The following PTDSS1 variants were observed in gnomAD, a reference collection of about 807,000 sequenced individuals.
PTDSS1 encodes the protein phosphatidylserine synthase 1.
In PTDSS1, 45 loss-of-function variants were observed where a neutral mutation model predicts 70.5. The observed-to-expected ratio is 0.64, with a 90% confidence interval of 0.50 to 0.82. The LOEUF (loss-of-function observed/expected upper bound fraction) is 0.82. PTDSS1 is among the 40% of genes least tolerant of loss of function. The pLI, the probability that PTDSS1 is intolerant of heterozygous loss-of-function variation, is 0.00. For synonymous variants in PTDSS1, 188 were observed against 203.8 expected, an observed-to-expected ratio of 0.92 and a Z score of 0.66; for missense variants, 417 against 586.1, an observed-to-expected ratio of 0.71 and a Z score of 2.98.
chr8:96,326,624 A>G (rs924955129), intron 10 of PTDSS1, among the ~76,000 whole-genome samples: 1 of 152,204 alleles, frequency 6.6e-6, no homozygotes, highest in Non-Finnish European at 1.5e-5. Context: ...GAGGAGTGAC[A>G]GTGAAGAGTT....
intron 12 of PTDSS1, among the ~76,000 whole-genome samples, chr8:96,332,655 A>C (rs1811533988): frequency 6.6e-6 from 1 of 152,270 alleles, no homozygotes; most frequent in Admixed American, 6.5e-5. Flanking sequence ...ATTAAGCAGT[A>C]GTAGAGATGT....
chr8:96,292,091 G>A (rs1810915303), intron 4 of PTDSS1, among the ~76,000 whole-genome samples: 6 of 151,998 alleles, frequency 3.9e-5, no homozygotes, highest in Admixed American at 3.9e-4. Flanking sequence ...CCAGCCTGGT[G>A]TTTGAGACCA....
intron 2 of PTDSS1, among the ~76,000 whole-genome samples, chr8:96,278,095 T>C (rs1810675199): frequency 6.6e-6 from 1 of 152,184 alleles, no homozygotes; most frequent in African/African-American, 2.4e-5. Flanking sequence ...GTGCCAGCCA[T>C]GTAGTGGCAG....
intron 9 of PTDSS1, among the ~76,000 whole-genome samples, chr8:96,314,903 CT>C (rs995652030): frequency 6.6e-6 from 1 of 151,810 alleles, no homozygotes; most frequent in South Asian, 2.1e-4. Context: ...GCCTACAAAG[CT>C]TTTTTTTAGC....
In PTDSS1 at chr8:96,295,241, C is replaced by T. The variant is rs1810958564; in HGVS notation, c.585C>T (p.Thr195=). ...SYGLCWTISI[T]WELTELFFMH... is the part of the protein sequence containing the mutation. Reference sequence around the variant, plus strand: ...GTCTCTGCTGGACAATCAGTATTACCTGGGAGCTGACTGAGGTAAGAAGGA... The same window carrying T: ...GTCTCTGCTGGACAATCAGTATTACTTGGGAGCTGACTGAGGTAAGAAGGA... The change falls in exon 5 of 13, where the codon ACC becomes ACT. Residue 195 remains threonine, a synonymous_variant. Transcript: ENST00000517309. 1.2e-6 allele frequency: 2 copies of T among 1,613,616 alleles called. No individual in the cohort carries two copies. The highest frequency in any genetic ancestry group is 1.1e-5 in the South Asian group (1 of 91,026).
intron 5 of PTDSS1, among the ~76,000 whole-genome samples, chr8:96,297,022 C>T (rs1329585526): frequency 6.6e-6 from 1 of 152,204 alleles, no homozygotes; most frequent in Non-Finnish European, 1.5e-5. Context: ...CCCAGTCGTC[C>T]ATTGACGTCT....
At chr8:96,299,213 A>T (rs565380825) in intron 5 of PTDSS1, among the ~76,000 whole-genome samples, 2 of 152,334 alleles carry the variant, frequency 1.3e-5, no homozygotes, top group Non-Finnish European at 2.9e-5. Context: ...ACATCGTGTC[A>T]TCAAGAGCTA....
At chr8:96,286,191 G>A (rs1007231369) in intron 3 of PTDSS1, among the ~76,000 whole-genome samples, 5 of 152,130 alleles carry the variant, frequency 3.3e-5, no homozygotes, top group African/African-American at 1.2e-4. Context: ...TTTGTATCAC[G>A]GTCTCTAAAT....
chr8:96,283,904 A>G, intron 2 of PTDSS1: 1 of 520,262 alleles, frequency 1.9e-6, no homozygotes, highest in Non-Finnish European at 3.4e-6. Flanking sequence ...GGTGCCTGTG[A>G]TGATTGTGGT....
chr8:96,316,222 C>T (rs1268228022), intron 9 of PTDSS1, among the ~76,000 whole-genome samples: 4 of 152,190 alleles, frequency 2.6e-5, no homozygotes, highest in Non-Finnish European at 5.9e-5. Flanking sequence ...CTCCCTGCTT[C>T]TGCTCTTGTC....
chr8:96,306,571 G>C lies in PTDSS1; in HGVS notation c.1007+15G>C. The C allele has an allele frequency of 6.4e-7, 1 of 1,562,910 alleles. No individual in the cohort carries two copies. The highest frequency in any genetic ancestry group is 8.8e-7 in the Non-Finnish European group (1 of 1,133,524). ...CCCACAGTGAGGTAATTCTGCACAA[G>C]CCTGACTGTCATATGAGAACATTAA... On this transcript the variant is annotated intron_variant, in intron 8 of 12. Coordinates refer to ENST00000517309, the MANE Select transcript of PTDSS1 (RefSeq NM_014754.3).
chr8:96,315,180 G>C (rs118071579), intron 9 of PTDSS1, among the ~76,000 whole-genome samples: 116 of 152,270 alleles, frequency 7.6e-4, no homozygotes, highest in Admixed American at 7.8e-4. Flanking sequence ...GAACTTGGAG[G>C]ACCCTTCCTG....
chr8:96,314,745 C>T (rs1415650545), intron 9 of PTDSS1, among the ~76,000 whole-genome samples: 1 of 152,054 alleles, frequency 6.6e-6, no homozygotes, highest in Non-Finnish European at 1.5e-5. Context: ...TACAGGTGCC[C>T]GTCACCTCGC....
chr8:96,310,054 G>T (rs991847937), intron 9 of PTDSS1, among the ~76,000 whole-genome samples: 1 of 151,678 alleles, frequency 6.6e-6, no homozygotes, highest in African/African-American at 2.4e-5. Flanking sequence ...GCTTGAACCC[G>T]GGAGGCTGAG....
chr8:96,302,576 CTTG>C (rs10694580), intron 6 of PTDSS1, among the ~76,000 whole-genome samples: 3 of 150,982 alleles, frequency 2.0e-5, no homozygotes, highest in Non-Finnish European at 3.0e-5. Context: ...GTCTGCTTTC[CTTG>C]TTGTTGTTGT....
rs1390793063 is a variant in PTDSS1, at chr8:96,336,964, C to G, written c.*3398C>G. 7.3e-6 allele frequency: 1 copy of G among 136,378 alleles called. No homozygotes were observed. Among genetic ancestry groups the G allele is most frequent in the Non-Finnish European group, 1.5e-5 (1 of 65,734 alleles). 8.4% of individuals were successfully genotyped at this position (136,378 alleles called of 1,614,324 possible). On this transcript the variant is annotated 3_prime_UTR_variant, in exon 13 of 13. Transcript: ENST00000517309. Reference sequence around the variant, plus strand: ...TGAGCCGAGATCACGCCACCGCACTCTCTAACCTGGGCGACAGAGCGAGAC... The same window carrying G: ...TGAGCCGAGATCACGCCACCGCACTGTCTAACCTGGGCGACAGAGCGAGAC...
At chr8:96,276,773 T>TA (rs1263853613) in intron 2 of PTDSS1, among the ~76,000 whole-genome samples, 1 of 152,214 alleles carries the variant, frequency 6.6e-6, no homozygotes, top group African/African-American at 2.4e-5. Context: ...GGTGGGATCT[T>TA]AGTTGGCCTG....
At chr8:96,332,058 A>G (rs1186756419) in intron 12 of PTDSS1, among the ~76,000 whole-genome samples, 1 of 141,606 alleles carries the variant, frequency 7.1e-6, no homozygotes, top group Non-Finnish European at 1.5e-5. Context: ...GGTACTGTGT[A>G]TCAGGAGGAA....
At chr8:96,326,479 T>C (rs563995448) in intron 10 of PTDSS1, among the ~76,000 whole-genome samples, 1 of 152,292 alleles carries the variant, frequency 6.6e-6, no homozygotes, top group South Asian at 2.1e-4. Context: ...TAGGAAGCAC[T>C]CGGCAGCTTC....
Sources: allele counts gnomAD v4.1 joint callset (sites outside exome capture counted in the v4.1 genomes callset), GRCh38; gene constraint gnomAD v4.1.1; transcripts MANE v1.5; gene names NCBI Gene and HGNC (gene_info 2026-07-23, HGNC 2026-07-21).